CTNNA2: variants seen among roughly 807,000 people sequenced by gnomAD.
The protein encoded by CTNNA2 is catenin alpha-2.
CTNNA2 carries 42 observed loss-of-function variants against 101.0 expected under a neutral mutation model. The observed-to-expected ratio is 0.42, with a 90% CI of 0.32 to 0.54. CTNNA2 has a LOEUF of 0.54. Among genes scored for constraint, CTNNA2 ranks in the 20% least tolerant of loss-of-function variants. The probability of loss-of-function intolerance (pLI) is 0.14; values close to 1 mark genes in which losing one functional copy is unlikely to be tolerated. For synonymous variants in CTNNA2, 450 were observed against 456.4 expected, an observed-to-expected ratio of 0.99 and a Z score of 0.18; for missense variants, 871 against 1,223.1, an observed-to-expected ratio of 0.71 and a Z score of 4.29.
At chr2:79,565,399 C>A (rs1484849446) in intron 1 of CTNNA2, among the ~76,000 whole-genome samples, 1 of 152,022 alleles carries the variant, frequency 6.6e-6, no homozygotes, top group East Asian at 1.9e-4. Context: ...AGGCCCCACC[C>A]CAGTGCACAC....
intron 6 of CTNNA2, among the ~76,000 whole-genome samples, chr2:79,895,805 G>A (rs1684673486): frequency 1.3e-5 from 2 of 151,076 alleles, no homozygotes; most frequent in African/African-American, 2.4e-5. Context: ...TTTATCCACC[G>A]ACTTAAAAAT....
chr2:80,554,316 A>G (rs1692836074), intron 11 of CTNNA2, among the ~76,000 whole-genome samples: 1 of 152,216 alleles, frequency 6.6e-6, no homozygotes, highest in South Asian at 2.1e-4. Context: ...TTAACTATTT[A>G]TGAACTATTG....
At chr2:80,248,024 T>A (rs1342301809) in intron 7 of CTNNA2, among the ~76,000 whole-genome samples, 2 of 152,028 alleles carry the variant, frequency 1.3e-5, no homozygotes, top group Non-Finnish European at 2.9e-5. Context: ...TTTATTTTTT[T>A]TTTTTTGTGG....
chr2:79,525,241 A>G (rs900694726), intron 1 of CTNNA2, among the ~76,000 whole-genome samples: 1 of 151,958 alleles, frequency 6.6e-6, no homozygotes, highest in Non-Finnish European at 1.5e-5. Context: ...TCGTACCCAC[A>G]TAGAATTTTA....
chr2:79,413,934 CATATATATATATATATATATAT>C (rs70940033), intron 4 of CTNNA2, among the ~76,000 whole-genome samples: 2,102 of 140,272 alleles, frequency 0.015, 53 homozygotes, highest in African/African-American at 0.046. Context: ...GAGCTGAATT[CATATATATATATATATATATAT>C]ATATATATAT....
intron 3 of CTNNA2, among the ~76,000 whole-genome samples, chr2:79,762,474 C>T (rs957419796): frequency 6.6e-6 from 1 of 152,136 alleles, no homozygotes; most frequent in Admixed American, 6.5e-5. Context: ...AATCCTAGAA[C>T]AACGAGTAGA....
At chr2:79,313,220 G>A (rs1213063734) in intron 3 of CTNNA2, among the ~76,000 whole-genome samples, 2 of 152,052 alleles carry the variant, frequency 1.3e-5, no homozygotes, top group Non-Finnish European at 2.9e-5. Context: ...CTGAGCAGAG[G>A]GACTAGTGTA....
intron 7 of CTNNA2, among the ~76,000 whole-genome samples, chr2:80,127,803 C>A (rs1276422603): frequency 5.3e-5 from 8 of 152,064 alleles, no homozygotes; most frequent in Admixed American, 1.3e-4. Flanking sequence ...GAACTCTGGG[C>A]TATCAATTAG....
intron 7 of CTNNA2, among the ~76,000 whole-genome samples, chr2:80,334,081 G>C (rs1671576667): frequency 6.6e-6 from 1 of 152,140 alleles, no homozygotes; most frequent in Admixed American, 6.5e-5. Context: ...CCTTTCTGCT[G>C]TCAGAATGAA....
At chr2:79,743,174 A>G (rs1266704684) in intron 2 of CTNNA2, among the ~76,000 whole-genome samples, 1 of 143,028 alleles carries the variant, frequency 7.0e-6, no homozygotes, top group African/African-American at 2.7e-5. Context: ...TGTGAAGCCG[A>G]TAAAAAAAAA....
chr2:79,592,000 C>T (rs1157365353), intron 1 of CTNNA2, among the ~76,000 whole-genome samples: 1 of 149,856 alleles, frequency 6.7e-6, no homozygotes, highest in Non-Finnish European at 1.5e-5. Context: ...AGATGGTTTC[C>T]ATATTTCTCC....
rs1224208320 is a variant in CTNNA2, at chr2:80,503,187, A to C, written c.1291-41795A>C. On this transcript the variant is annotated intron_variant, in intron 9 of 18. Transcript: ENST00000402739. ...GACCTGTCTCAAAAAAAAAACCATA[A>C]ATAAAAATAAAAGAAAGAAATTCTA... 3.3e-5 allele frequency among the ~76,000 whole-genome samples: 5 copies of C among 152,138 alleles called. No individual in the cohort carries two copies. The East Asian group carries it at 9.6e-4, about 29-fold the overall frequency.
At chr2:79,204,919 C>A (rs1400637221) in intron 2 of CTNNA2, among the ~76,000 whole-genome samples, 1 of 152,376 alleles carries the variant, frequency 6.6e-6, no homozygotes, top group African/African-American at 2.4e-5. Context: ...TCAGGCACCG[C>A]CTGCCAACAC....
intron 1 of CTNNA2, among the ~76,000 whole-genome samples, chr2:79,629,646 G>A (rs932654661): frequency 1.3e-5 from 2 of 152,156 alleles, no homozygotes; most frequent in African/African-American, 2.4e-5. Flanking sequence ...AACACCAGAA[G>A]TAGGTGGGGT....
intron 7 of CTNNA2, among the ~76,000 whole-genome samples, chr2:80,317,279 G>C (rs1429208649): frequency 6.6e-6 from 1 of 152,138 alleles, no homozygotes; most frequent in Non-Finnish European, 1.5e-5. Context: ...ACCTCCACTA[G>C]ACCTTATAAA....
chr2:80,587,237 C>T (rs983000325), intron 14 of CTNNA2, among the ~76,000 whole-genome samples: 11 of 152,180 alleles, frequency 7.2e-5, no homozygotes, highest in South Asian at 2.1e-4. Context: ...ATTTGACATA[C>T]ATAAGCCTCA....
At chr2:79,716,577 C>A (rs975175616) in intron 2 of CTNNA2, among the ~76,000 whole-genome samples, 7 of 152,144 alleles carry the variant, frequency 4.6e-5, no homozygotes, top group Admixed American at 2.6e-4. Flanking sequence ...TCTGTTCCTG[C>A]ATTAGTTTGC....
At chr2:79,630,433 T>C (rs1229617642) in intron 1 of CTNNA2, among the ~76,000 whole-genome samples, 3 of 152,192 alleles carry the variant, frequency 2.0e-5, no homozygotes, top group African/African-American at 7.2e-5. Flanking sequence ...GATGTAGCTA[T>C]ATTTATACAC....
chr2:79,382,246 T>A (rs1279550969), intron 4 of CTNNA2, among the ~76,000 whole-genome samples: 1 of 151,994 alleles, frequency 6.6e-6, no homozygotes, highest in Non-Finnish European at 1.5e-5. Flanking sequence ...CTTTTCTGGG[T>A]CTCAGGGTTT....
Sources: allele counts gnomAD v4.1 joint callset (sites outside exome capture counted in the v4.1 genomes callset), GRCh38; gene constraint gnomAD v4.1.1; transcripts MANE v1.5; gene names NCBI Gene and HGNC (gene_info 2026-07-23, HGNC 2026-07-21).